TET3: variants seen among roughly 807,000 people sequenced by gnomAD.
TET3 encodes the protein methylcytosine dioxygenase TET3.
A neutral mutation model predicts 141.4 loss-of-function variants in TET3; 19 were observed. The observed-to-expected ratio is 0.13, with a 90% CI of 0.09 to 0.20. The LOEUF (loss-of-function observed/expected upper bound fraction) is 0.20. Ranked by LOEUF, TET3 falls within the 10% of genes least tolerant of loss-of-function variation. The pLI is 1.00. For missense variants in TET3, 1,874 were observed against 2,356.9 expected (o/e 0.80, Z 4.24); for synonymous variants, 1,043 against 980.9 (o/e 1.06, Z -1.18).
chr2:74,076,967 G>C (rs914920745), intron 5 of TET3, among the ~76,000 whole-genome samples: 1 of 152,220 alleles, frequency 6.6e-6, no homozygotes, highest in Non-Finnish European at 1.5e-5. Context: ...GTCATACTTT[G>C]TGGGTACCTA....
chr2:74,000,193 G>T (rs1573650466), intron 2 of TET3, among the ~76,000 whole-genome samples: 1 of 152,154 alleles, frequency 6.6e-6, no homozygotes. Flanking sequence ...TCAGATCCTT[G>T]AGGACCTCAG....
intron 4 of TET3, among the ~76,000 whole-genome samples, chr2:74,057,929 A>C (rs1332938124): frequency 3.3e-5 from 5 of 152,250 alleles, no homozygotes; most frequent in African/African-American, 9.6e-5. Flanking sequence ...CTTAGTTGCA[A>C]ACAAATACTT....
intron 2 of TET3, among the ~76,000 whole-genome samples, chr2:73,996,818 A>G (rs1336754053): frequency 6.6e-6 from 1 of 152,156 alleles, no homozygotes; most frequent in Admixed American, 6.5e-5. Context: ...TTGATAACCT[A>G]AGTTTTTATT....
At chr2:74,030,249 CTT>C (rs1237169253) in intron 3 of TET3, among the ~76,000 whole-genome samples, 1 of 152,148 alleles carries the variant, frequency 6.6e-6, no homozygotes. Flanking sequence ...CTTATTTTCA[CTT>C]TTTAAAAAAA....
chr2:74,090,449 G>A (rs1476451380), intron 8 of TET3, among the ~76,000 whole-genome samples: 1 of 152,108 alleles, frequency 6.6e-6, no homozygotes, highest in Non-Finnish European at 1.5e-5. Context: ...CCATCCTCTG[G>A]GCCTTTGCTG....
At chr2:74,110,875 C>T (rs998723449), downstream of TET3, among the ~76,000 whole-genome samples, 1 of 152,152 alleles carries the variant, frequency 6.6e-6, no homozygotes, top group Non-Finnish European at 1.5e-5. Flanking sequence ...TGTGGCTTCT[C>T]CCCATCACGT....
chr2:74,001,996 T>G (rs549119488), intron 2 of TET3, among the ~76,000 whole-genome samples: 20 of 151,846 alleles, frequency 1.3e-4, no homozygotes, highest in African/African-American at 4.8e-4. Flanking sequence ...TGGGTGTTTG[T>G]GTGTGTGGAG....
At chr2:74,129,523 C>G in the TET3 span, among the ~76,000 whole-genome samples, 1 of 151,428 alleles carries the variant, frequency 6.6e-6, no homozygotes, top group Non-Finnish European at 1.5e-5. Context: ...ATCCCAGCTA[C>G]TCAGGAGGCT....
intron 11 of TET3, 136 bp from the exon 12 acceptor site, chr2:74,100,257 A>T: frequency 1.1e-6 from 1 of 942,494 alleles, no homozygotes; most frequent in Non-Finnish European, 1.6e-6. Context: ...GACATGCCTC[A>T]GCACCTCACC....
chr2:73,988,513 C>T (rs1169986294), intron 2 of TET3, among the ~76,000 whole-genome samples: 1 of 152,172 alleles, frequency 6.6e-6, no homozygotes, highest in African/African-American at 2.4e-5. Flanking sequence ...AGGACCTTGT[C>T]ATCCTGTGTG....
chr2:74,116,888 G>T, the TET3 span, among the ~76,000 whole-genome samples: 2 of 152,116 alleles, frequency 1.3e-5, no homozygotes, highest in South Asian at 2.1e-4. Context: ...CCCCAGCTGT[G>T]CATGAGACAC....
intron 4 of TET3, among the ~76,000 whole-genome samples, chr2:74,060,528 A>T (rs1688444291): frequency 6.6e-6 from 1 of 151,868 alleles, no homozygotes; most frequent in African/African-American, 2.4e-5. Context: ...TTTTAAATTT[A>T]TTATTATTTT....
At chr2:74,062,238 G>C (rs1573825315) in intron 4 of TET3, among the ~76,000 whole-genome samples, 1 of 152,200 alleles carries the variant, frequency 6.6e-6, no homozygotes, top group East Asian at 1.9e-4. Context: ...GGCCAACACA[G>C]CGAAACCCCG....
At chr2:74,022,869 C>T (rs541608035) in intron 3 of TET3, among the ~76,000 whole-genome samples, 40 of 152,136 alleles carry the variant, frequency 2.6e-4, no homozygotes, top group African/African-American at 7.5e-4. Flanking sequence ...CTCCACCTCC[C>T]AGTTCAAGCG....
chr2:74,122,253 G>C, the TET3 span: 4 of 151,920 alleles, frequency 2.6e-5, no homozygotes, highest in Non-Finnish European at 5.9e-5. Flanking sequence ...GAAATTTGAA[G>C]TCTAGCTGCC....
chr2:74,047,711 G>A lies in TET3; in HGVS notation c.1794G>A (p.Gly598=), dbSNP rs1409455886. Residue 598 remains glycine, a synonymous_variant, in exon 4 of 12, where the codon GGG becomes GGA. Coordinates refer to ENST00000409262, the MANE Select transcript of TET3 (RefSeq NM_001287491.2). The stretch of plus-strand genomic sequence containing the variant: ...TGGGAACGGAGAAAGCTGCCCCTGG[G>A]ATCAAGCCCAGTGTCCGAAAGCCCA... ...GPVGTEKAAP[G]IKPSVRKPIQ... 1 of 1,613,314 alleles carries A rather than the reference G, an allele frequency of 6.2e-7. No individual in the cohort carries two copies. Among genetic ancestry groups the A allele is most frequent in the East Asian group, 2.2e-5 (1 of 44,858 alleles).
intron 4 of TET3, among the ~76,000 whole-genome samples, chr2:74,070,082 C>T (rs548165043): frequency 6.6e-6 from 1 of 152,296 alleles, no homozygotes; most frequent in South Asian, 2.1e-4. Flanking sequence ...AGTTTTTACT[C>T]ACTGTGTATG....
rs1392243147 is a variant in TET3, at chr2:74,101,984, GGGCCA to G, written c.5198_5202del (p.Gly1733AlafsTer19). ...AGGAGGAGGCTGCCCGGCTGGGCCT[GGGCCA>G]GCAGGAGGCCAAGCTCTACGGGAAG... is the stretch of plus-strand genomic sequence containing the variant. On this transcript the variant is annotated frameshift_variant, in exon 12 of 12. Coordinates refer to ENST00000409262, the MANE Select transcript of TET3 (RefSeq NM_001287491.2). LOFTEE classifies it high-confidence loss of function. The surrounding 1 kb of genome is among the most constrained non-coding windows in gnomAD (Gnocchi z 8.5). The G allele has an allele frequency of 8.1e-6, 13 of 1,604,154 alleles. No individual in the cohort carries two copies. Among genetic ancestry groups the G allele is most frequent in the African/African-American group, 2.7e-5 (2 of 74,688 alleles).
chr2:73,998,680 A>G (rs1322412677), intron 2 of TET3: 1 of 152,304 alleles, frequency 6.6e-6, no homozygotes, highest in Non-Finnish European at 1.5e-5. Flanking sequence ...TGACAACCGT[A>G]AAGAGTTTCA....
Sources: gnomAD v4.1 joint callset for allele counts (sites outside exome capture counted in the v4.1 genomes callset) on GRCh38, gnomAD v4.1.1 for gene constraint, Gnocchi (gnomAD v3.1) non-coding constraint, MANE v1.5 for transcripts, NCBI Gene and HGNC (gene_info 2026-07-23, HGNC 2026-07-21) for gene names.